PRKCB: variants seen among roughly 807,000 people sequenced by gnomAD.
The protein encoded by PRKCB is protein kinase C beta.
In PRKCB, 13 loss-of-function variants were observed where a neutral mutation model predicts 81.5. The observed-to-expected ratio is 0.16, with a 90% CI of 0.10 to 0.25. The LOEUF (loss-of-function observed/expected upper bound fraction) is 0.25, where lower values mean the gene tolerates loss of function less well. PRKCB is among the 10% of genes least tolerant of loss of function. PRKCB has a pLI of 1.00. For synonymous variants in PRKCB, 335 were observed against 321.4 expected, an observed-to-expected ratio of 1.04 and a Z score of -0.45; for missense variants, 509 against 875.7, an observed-to-expected ratio of 0.58 and a Z score of 5.29.
chr16:24,004,478 C>CAAAAA (rs71154264), intron 3 of PRKCB, among the ~76,000 whole-genome samples: 11 of 47,246 alleles, frequency 2.3e-4, no homozygotes, highest in East Asian at 8.5e-4. Context: ...CAAGTCTCTA[C>CAAAAA]AAAAAAAAAA....
chr16:23,862,343 G>T (rs1054398040), intron 2 of PRKCB, among the ~76,000 whole-genome samples: 6 of 152,168 alleles, frequency 3.9e-5, no homozygotes, highest in African/African-American at 1.2e-4. Context: ...TTTAGACACA[G>T]AATTTGGGGC....
rs185838141 is a variant in PRKCB, at chr16:23,839,397, C to T, written c.205+1991C>T. Among the ~76,000 whole-genome samples, 12 of 151,648 alleles carry T rather than the reference C, an allele frequency of 7.9e-5. No individual in the cohort carries two copies. The East Asian group carries it at 2.3e-3, about 29-fold the overall frequency. ...CAAGTGATCCTCCTGCATCAGCCTC[C>T]TGATTAATTGGGACTACAAGTACGC... On this transcript the variant is annotated intron_variant, in intron 2 of 16. Transcript: ENST00000643927.
At chr16:24,167,516 C>T (rs141313134) in intron 10 of PRKCB, among the ~76,000 whole-genome samples, 3 of 151,810 alleles carry the variant, frequency 2.0e-5, no homozygotes, top group Non-Finnish European at 4.4e-5. Context: ...GCAGAGATCA[C>T]GCCATTGTAC....
Position 24,217,114 on chromosome 16 carries a change from GAAA to G in PRKCB, c.*2299_*2301del. ...AAAGAAAGGAAAGAAAGAAGAAAAAGAAAGAAGGAAAGAAAGAAAGAGAAAGGA... is the reference window on the plus strand; with the variant it reads ...AAAGAAAGGAAAGAAAGAAGAAAAAGGAAGGAAAGAAAGAAAGAGAAAGGA... On this transcript the variant is annotated 3_prime_UTR_variant, in exon 17 of 17. Coordinates refer to ENST00000643927, the MANE Select transcript of PRKCB (RefSeq NM_002738.7). 1 of 979,822 alleles carries G rather than the reference GAAA, an allele frequency of 1.0e-6. No homozygotes were observed. The highest frequency in any genetic ancestry group is 4.7e-5 in the South Asian group (1 of 21,062). 60.7% of individuals were successfully genotyped at this position (979,822 alleles called of 1,614,324 possible).
chr16:24,170,538 G>A (rs1211657433), intron 10 of PRKCB, among the ~76,000 whole-genome samples: 1 of 151,926 alleles, frequency 6.6e-6, no homozygotes, highest in Non-Finnish European at 1.5e-5. Context: ...CCAAGCAGAA[G>A]TCTCTAAGAA....
intron 2 of PRKCB, among the ~76,000 whole-genome samples, chr16:23,896,678 A>G (rs1255278868): frequency 6.6e-6 from 1 of 152,216 alleles, no homozygotes; most frequent in Admixed American, 6.5e-5. Context: ...TTCCAGGCAG[A>G]AGGACTAGCA....
At chr16:23,872,424 G>A (rs1362302315) in intron 2 of PRKCB, among the ~76,000 whole-genome samples, 1 of 152,188 alleles carries the variant, frequency 6.6e-6, no homozygotes. Flanking sequence ...GGGGGGCTGT[G>A]GTGGGAGGAT....
At chr16:23,877,637 C>T (rs1963036887) in intron 2 of PRKCB, among the ~76,000 whole-genome samples, 1 of 152,158 alleles carries the variant, frequency 6.6e-6, no homozygotes, top group Non-Finnish European at 1.5e-5. Flanking sequence ...CCACTCAACT[C>T]AGGAAAGTTA....
chr16:24,180,725 G>A, intron 12 of PRKCB, 65 bp from the exon 13 acceptor site: 1 of 1,562,188 alleles, frequency 6.4e-7, no homozygotes, highest in African/African-American at 1.3e-5. Flanking sequence ...CATAATGAGT[G>A]GCTGTTGGTT....
intron 3 of PRKCB, among the ~76,000 whole-genome samples, chr16:24,000,991 T>G (rs1419296624): frequency 3.5e-5 from 1 of 28,532 alleles, no homozygotes; most frequent in Non-Finnish European, 8.7e-5. Context: ...ATAAAGCGGT[T>G]TTTTTTTTTT....
chr16:24,215,448 A>G lies in PRKCB; in HGVS notation c.*632A>G. The G allele has an allele frequency of 1.0e-6, 1 of 985,824 alleles. No homozygotes were observed. The highest frequency in any genetic ancestry group is 1.2e-6 in the Non-Finnish European group (1 of 829,972). 61.1% of individuals were successfully genotyped at this position (985,824 alleles called of 1,614,324 possible). A position where few individuals can be genotyped will look rare whatever the true frequency, so the allele number is the denominator to read the frequency against. On this transcript the variant is annotated 3_prime_UTR_variant, in exon 17 of 17. Transcript: ENST00000643927. Reference sequence around the variant, plus strand: ...TCAAAGGGCAACCAGCTTGGGTGCTACCTCAGTGTTGTAGTTTCTGATACT... The same window carrying G: ...TCAAAGGGCAACCAGCTTGGGTGCTGCCTCAGTGTTGTAGTTTCTGATACT...
intron 5 of PRKCB, among the ~76,000 whole-genome samples, chr16:24,053,892 C>T (rs1168755295): frequency 6.6e-6 from 1 of 152,182 alleles, no homozygotes; most frequent in Non-Finnish European, 1.5e-5. Context: ...CTATGTGATT[C>T]TTGGGAGGGA....
chr16:23,843,786 A>C (rs1962309730), intron 2 of PRKCB, among the ~76,000 whole-genome samples: 2 of 87,766 alleles, frequency 2.3e-5, no homozygotes, highest in Non-Finnish European at 4.4e-5. Flanking sequence ...TAGTGTATCT[A>C]GGCCAAAAAA....
intron 3 of PRKCB, among the ~76,000 whole-genome samples, chr16:24,007,349 G>A (rs4788421): frequency 0.022 from 3,358 of 152,322 alleles, 58 homozygotes; most frequent in Middle Eastern, 0.037. Flanking sequence ...GGAATTGCAT[G>A]CATTTATCTT....
chr16:23,868,999 G>A lies in PRKCB; in HGVS notation c.205+31593G>A, dbSNP rs567847420. On this transcript the variant is annotated intron_variant, in intron 2 of 16. Coordinates refer to ENST00000643927, the MANE Select transcript of PRKCB (RefSeq NM_002738.7). ...ACAGATGCCGAAATAGAAGTGAGGC[G>A]ACTTGCCCAGGGTCCCTGTGGTGGA... is the stretch of plus-strand genomic sequence containing the variant. The A allele has an allele frequency of 1.5e-3, 584 of 392,798 alleles. 1 individual carries two copies. Among genetic ancestry groups the A allele is most frequent in the Non-Finnish European group, 2.1e-3 (400 of 188,472 alleles). The allele number at this position is 392,798 out of a possible 1,614,324, so 24.3% of individuals were successfully genotyped here.
intron 3 of PRKCB, among the ~76,000 whole-genome samples, chr16:24,015,346 C>T (rs1212457021): frequency 6.6e-6 from 1 of 152,212 alleles, no homozygotes; most frequent in Admixed American, 6.5e-5. Context: ...ATTACCAGAG[C>T]TGGTGTTGAA....
intron 2 of PRKCB, among the ~76,000 whole-genome samples, chr16:23,967,141 C>G (rs1031123687): frequency 5.9e-5 from 9 of 152,166 alleles, no homozygotes; most frequent in African/African-American, 2.2e-4. Flanking sequence ...AGCAGCTGGT[C>G]GGATTTCAAG....
At chr16:23,864,114 A>G (rs1191892408) in intron 2 of PRKCB, among the ~76,000 whole-genome samples, 1 of 152,184 alleles carries the variant, frequency 6.6e-6, no homozygotes, top group East Asian at 1.9e-4. Context: ...GCCACAAAAA[A>G]TAGTCCTAGG....
chr16:24,050,062 T>C (rs142993847), intron 5 of PRKCB, among the ~76,000 whole-genome samples: 64 of 152,276 alleles, frequency 4.2e-4, no homozygotes, highest in African/African-American at 1.5e-3. Flanking sequence ...GACATAGATA[T>C]TGATGAATTT....
Sources: allele counts gnomAD v4.1 joint callset (sites outside exome capture counted in the v4.1 genomes callset), GRCh38; gene constraint gnomAD v4.1.1; transcripts MANE v1.5; gene names NCBI Gene and HGNC (gene_info 2026-07-23, HGNC 2026-07-21).